TBC1D9: variants seen among roughly 807,000 people sequenced by gnomAD.
TBC1D9 encodes TBC1 domain family member 9.
Under a neutral mutation model 132.0 loss-of-function variants are expected in TBC1D9, and 63 were observed. That is an observed-to-expected ratio of 0.48 (90% CI 0.39 to 0.59). The LOEUF is 0.59. Among genes scored for constraint, TBC1D9 ranks in the 20% least tolerant of loss-of-function variants. The pLI is 0.00. For missense variants in TBC1D9, 1,261 were observed against 1,592.7 expected, an observed-to-expected ratio of 0.79 and a Z score of 3.54; for synonymous variants, 610 against 609.9, an observed-to-expected ratio of 1.00 and a Z score of 0.00.
At chr4:140,699,828 G>A (rs1377834294) in intron 2 of TBC1D9, among the ~76,000 whole-genome samples, 1 of 152,200 alleles carries the variant, frequency 6.6e-6, no homozygotes. Flanking sequence ...ATAGTAAGAT[G>A]TTAATAATAG....
chr4:140,745,635 T>C (rs1451743276), intron 1 of TBC1D9, among the ~76,000 whole-genome samples: 1 of 152,218 alleles, frequency 6.6e-6, no homozygotes, highest in Non-Finnish European at 1.5e-5. Context: ...CAGTATATAA[T>C]ACATATAACA....
chr4:140,685,171 A>T (rs1290647363), intron 3 of TBC1D9, among the ~76,000 whole-genome samples: 1 of 152,206 alleles, frequency 6.6e-6, no homozygotes, highest in East Asian at 1.9e-4. Context: ...ATCCTAAATC[A>T]AGACAGAAAT....
intron 11 of TBC1D9, 103 bp downstream of exon 11, chr4:140,659,482 ACTC>A (rs1161319977): frequency 2.1e-5 from 15 of 708,480 alleles, no homozygotes; most frequent in Middle Eastern, 2.5e-4. Flanking sequence ...GTAGTCTGAA[ACTC>A]TTTTGGCTTA....
chr4:140,726,354 T>A (rs1738501623), intron 1 of TBC1D9, among the ~76,000 whole-genome samples: 1 of 152,216 alleles, frequency 6.6e-6, no homozygotes, highest in Non-Finnish European at 1.5e-5. Flanking sequence ...CATTCTTTGT[T>A]GAGAACACTA....
chr4:140,711,707 C>A (rs1298770958), intron 1 of TBC1D9, among the ~76,000 whole-genome samples: 1 of 152,078 alleles, frequency 6.6e-6, no homozygotes, highest in Non-Finnish European at 1.5e-5. Flanking sequence ...TAAAATCATA[C>A]CTTCAAGTAA....
At position 140,648,946 on chromosome 4, in the gene TBC1D9, G is replaced by A. The variant is rs575489333; in HGVS notation, c.2337+8151C>T. Among the ~76,000 whole-genome samples the A allele has an allele frequency of 3.3e-5, 5 of 152,262 alleles. No individual in the cohort carries two copies. In the East Asian group the frequency reaches 9.7e-4, roughly 29 times the overall value. On this transcript the variant is annotated intron_variant, in intron 13 of 20. Transcript: ENST00000442267. ...CCACCATCATTCCTGAGCGGAACAA[G>A]AGTTCCCCTGCCCAGGCTGGGCAGT...
intron 9 of TBC1D9, among the ~76,000 whole-genome samples, chr4:140,666,583 C>T (rs1419330917): frequency 6.6e-6 from 1 of 152,052 alleles, no homozygotes; most frequent in African/African-American, 2.4e-5. Context: ...CGTGATCCGC[C>T]CACCTCGGCC....
At chr4:140,724,898 T>C (rs764366802) in intron 1 of TBC1D9, among the ~76,000 whole-genome samples, 5 of 152,204 alleles carry the variant, frequency 3.3e-5, no homozygotes, top group African/African-American at 9.7e-5. Flanking sequence ...AAATCCATAA[T>C]ATGATAACAC....
chr4:140,748,052 A>G (rs1738864303), intron 1 of TBC1D9, among the ~76,000 whole-genome samples: 1 of 152,194 alleles, frequency 6.6e-6, no homozygotes, highest in South Asian at 2.1e-4. Flanking sequence ...ATGACATCAG[A>G]GCATGAATGA....
At position 140,736,556 on chromosome 4, in the gene TBC1D9, A is replaced by C. The variant is rs377756020; in HGVS notation, c.130+19360T>G. 2.2e-4 allele frequency among the ~76,000 whole-genome samples: 34 copies of C among 152,108 alleles called. No homozygotes were observed. In the East Asian group the frequency reaches 4.5e-3, roughly 20 times the overall value. On this transcript the variant is annotated intron_variant, in intron 1 of 20. Coordinates refer to ENST00000442267, the MANE Select transcript of TBC1D9 (RefSeq NM_015130.3). The stretch of plus-strand genomic sequence containing the variant: ...CTGTATCTCAAAAAATAAATGAATA[A>C]ATAAAATAAAGTCAAAGGGCAAATG...
chr4:140,693,731 C>G (rs1416915113), intron 2 of TBC1D9, among the ~76,000 whole-genome samples: 2 of 152,226 alleles, frequency 1.3e-5, no homozygotes, highest in South Asian at 4.1e-4. Flanking sequence ...GCCCAACTAA[C>G]ATACATTTAG....
chr4:140,704,558 C>T (rs1738122515), intron 1 of TBC1D9, among the ~76,000 whole-genome samples: 1 of 151,926 alleles, frequency 6.6e-6, no homozygotes, highest in East Asian at 1.9e-4. Context: ...CAGGGCAGAG[C>T]AGCGGACAGG....
At chr4:140,679,509 A>G in intron 4 of TBC1D9, 106 bp downstream of exon 4, 1 of 819,652 alleles carries the variant, frequency 1.2e-6, no homozygotes, top group Non-Finnish European at 1.9e-6. Context: ...GTATTGACTT[A>G]GTTATAACTA....
chr4:140,755,398 A>C (rs1195392220), intron 1 of TBC1D9, among the ~76,000 whole-genome samples: 1 of 152,232 alleles, frequency 6.6e-6, no homozygotes, highest in Non-Finnish European at 1.5e-5. Flanking sequence ...AAACAAAAAA[A>C]TTCCTGTTTC....
In TBC1D9 at chr4:140,705,173, C is replaced by T. The variant is rs1738131444; in HGVS notation, c.131-3559G>A. On this transcript the variant is annotated intron_variant, in intron 1 of 20. Coordinates refer to ENST00000442267, the MANE Select transcript of TBC1D9 (RefSeq NM_015130.3). ...CCATATTAACCCAGAAGTGCTGAGT[C>T]CTTTCATGCCTGGATAACACTGATC... Among the ~76,000 whole-genome samples, 8 of 152,192 alleles carry T rather than the reference C, an allele frequency of 5.3e-5. No individual in the cohort carries two copies. In the South Asian group the frequency reaches 1.7e-3, roughly 32 times the overall value.
At chr4:140,640,309 G>T (rs112454512) in intron 13 of TBC1D9, among the ~76,000 whole-genome samples, 238 of 151,990 alleles carry the variant, frequency 1.6e-3, no homozygotes, top group Middle Eastern at 0.01. Flanking sequence ...AAGAGGGAGG[G>T]TATCACATGT....
intron 16 of TBC1D9, among the ~76,000 whole-genome samples, chr4:140,632,951 G>A (rs1736821171): frequency 6.6e-6 from 1 of 152,174 alleles, no homozygotes; most frequent in Admixed American, 6.5e-5. Flanking sequence ...AAATAAATGC[G>A]AGTTCTCCCA....
At chr4:140,675,117 T>A (rs761269136) in intron 6 of TBC1D9, among the ~76,000 whole-genome samples, 4 of 152,130 alleles carry the variant, frequency 2.6e-5, no homozygotes, top group Non-Finnish European at 4.4e-5. Context: ...CTAAATTATA[T>A]AAATGACACA....
intron 13 of TBC1D9, chr4:140,644,677 A>G: frequency 2.4e-6 from 1 of 420,722 alleles, no homozygotes. Flanking sequence ...CCGCTGCTGC[A>G]GGTACAGGAA....
Sources: allele counts gnomAD v4.1 joint callset (sites outside exome capture counted in the v4.1 genomes callset), GRCh38; gene constraint gnomAD v4.1.1; transcripts MANE v1.5; gene names NCBI Gene and HGNC (gene_info 2026-07-23, HGNC 2026-07-21).